Variants in SLC16A9 observed in about 807,000 individuals in gnomAD.
SLC16A9 encodes monocarboxylate transporter 9.
SLC16A9 carries 26 observed loss-of-function variants against 44.3 expected under a neutral mutation model. The ratio of observed to expected loss-of-function variants is 0.59; its 90% CI spans 0.43 to 0.81. The LOEUF is 0.81. Among genes scored for constraint, SLC16A9 ranks in the 40% least tolerant of loss-of-function variants. SLC16A9 has a pLI of 0.00. For missense variants in SLC16A9, 559 were observed against 595.8 expected, an observed-to-expected ratio of 0.94 and a Z score of 0.64; for synonymous variants, 230 against 225.1, an observed-to-expected ratio of 1.02 and a Z score of -0.19.
chr10:59,677,955 A>C (rs1839895230), intron 2 of SLC16A9, among the ~76,000 whole-genome samples: 3 of 151,910 alleles, frequency 2.0e-5, no homozygotes, highest in Non-Finnish European at 4.4e-5. Flanking sequence ...TTACATATGT[A>C]TACATGTGCC....
intron 2 of SLC16A9, among the ~76,000 whole-genome samples, chr10:59,673,297 C>A (rs769487198): frequency 6.6e-6 from 1 of 152,062 alleles, no homozygotes. Flanking sequence ...TATAATAGTA[C>A]CCACCTGACC....
chr10:59,701,725 C>A (rs1375001502), intron 1 of SLC16A9, among the ~76,000 whole-genome samples: 1 of 152,140 alleles, frequency 6.6e-6, no homozygotes, highest in African/African-American at 2.4e-5. Context: ...TCTGTGCCCC[C>A]CAACCCACAG....
At chr10:59,696,015 T>C (rs1413987071) in intron 1 of SLC16A9, among the ~76,000 whole-genome samples, 1 of 152,182 alleles carries the variant, frequency 6.6e-6, no homozygotes, top group Non-Finnish European at 1.5e-5. Flanking sequence ...AACTGAGTAA[T>C]GTTAAGATCA....
At chr10:59,705,077 C>T (rs574691588) in intron 1 of SLC16A9, among the ~76,000 whole-genome samples, 4 of 152,256 alleles carry the variant, frequency 2.6e-5, no homozygotes, top group South Asian at 4.1e-4. Context: ...TGTGCCATCA[C>T]TGTTGCTAAC....
chr10:59,694,333 T>C (rs1840321210), intron 1 of SLC16A9, among the ~76,000 whole-genome samples: 1 of 152,200 alleles, frequency 6.6e-6, no homozygotes, highest in Non-Finnish European at 1.5e-5. Context: ...TACTTTCATG[T>C]TTCTGACTAC....
intron 1 of SLC16A9, among the ~76,000 whole-genome samples, chr10:59,694,538 A>T (rs1840326620): frequency 6.6e-6 from 1 of 151,552 alleles, no homozygotes; most frequent in Non-Finnish European, 1.5e-5. Flanking sequence ...GCAGTGGCTC[A>T]TGCCTGTATT....
intron 1 of SLC16A9, among the ~76,000 whole-genome samples, chr10:59,696,752 C>T (rs1350283243): frequency 6.6e-6 from 1 of 151,724 alleles, no homozygotes; most frequent in Admixed American, 6.6e-5. Flanking sequence ...TCTGCCCGGC[C>T]GCCCCGTCTG....
chr10:59,659,324 G>A (rs1839420842), intron 4 of SLC16A9, among the ~76,000 whole-genome samples: 1 of 152,082 alleles, frequency 6.6e-6, no homozygotes, highest in African/African-American at 2.4e-5. Context: ...GACATGATCA[G>A]CATCAGTCTT....
At position 59,652,843 on chromosome 10, in the gene SLC16A9, C is replaced by T; in HGVS notation, c.1459G>A (p.Asp487Asn). The change falls in exon 6 of 6, where the codon GAT becomes AAT. Residue 487 changes from aspartate to asparagine, a missense_variant. Physicochemically the swap from Asp to Asn is conservative, Grantham distance 23. Coordinates refer to ENST00000395348, the MANE Select transcript of SLC16A9 (RefSeq NM_194298.3). The stretch of plus-strand genomic sequence containing the variant: ...TTGGGGAGTTGCTTGTTGCATGTAT[C>T]CCAAGAGGGCAAGGCTGCCAGCAGC... ...ILLLAALPSW[D>N]TCNKQLPKPA... 2 of 1,613,826 alleles carry T rather than the reference C, an allele frequency of 1.2e-6. No individual in the cohort carries two copies. The highest frequency in any genetic ancestry group is 2.2e-5 in the East Asian group (1 of 44,840).
chr10:59,667,021 T>C (rs530463780), intron 3 of SLC16A9, among the ~76,000 whole-genome samples: 8 of 152,358 alleles, frequency 5.3e-5, no homozygotes, highest in Non-Finnish European at 8.8e-5. Flanking sequence ...TTAATATTTT[T>C]AAGTTCTTGC....
rs1839230379 is a variant in SLC16A9 at position 59,652,670 on chromosome 10, A to G, written c.*102T>C. 3.7e-6 allele frequency: 4 copies of G among 1,082,862 alleles called. No individual in the cohort carries two copies. Among genetic ancestry groups the G allele is most frequent in the Non-Finnish European group, 5.2e-6 (4 of 769,832 alleles). 67.1% of individuals were successfully genotyped at this position (1,082,862 alleles called of 1,614,324 possible). ...GAGTCAGTCATTGTGAAATTTTGCT[A>G]TGAGAAAATAGTCTTGACTCTAGAA... is the stretch of plus-strand genomic sequence containing the variant. On this transcript the variant is annotated 3_prime_UTR_variant, in exon 6 of 6. Transcript: ENST00000395348.
At chr10:59,666,720 A>C (rs1447186184) in intron 3 of SLC16A9, among the ~76,000 whole-genome samples, 2 of 152,214 alleles carry the variant, frequency 1.3e-5, no homozygotes, top group African/African-American at 4.8e-5. Flanking sequence ...CCACTTTTAA[A>C]ATATAACATC....
chr10:59,688,860 T>C (rs1840191801), intron 1 of SLC16A9, among the ~76,000 whole-genome samples: 1 of 151,786 alleles, frequency 6.6e-6, no homozygotes, highest in African/African-American at 2.4e-5. Flanking sequence ...AAGCCAGTAT[T>C]CCTGGGAGGT....
chr10:59,662,471 C>T lies in SLC16A9; in HGVS notation c.436+1756G>A, dbSNP rs187617720. On this transcript the variant is annotated intron_variant, in intron 4 of 5. Transcript: ENST00000395348. The stretch of plus-strand genomic sequence containing the variant: ...CCAATGTAGGGAAACACTGTCTCTA[C>T]TAAAAATACAAAAATTAGCTGGGCG... 2.2e-3 allele frequency among the ~76,000 whole-genome samples: 329 copies of T among 151,364 alleles called. 1 individual carries two copies. Among genetic ancestry groups the T allele is most frequent in the African/African-American group, 7.6e-3 (313 of 41,328 alleles).
intron 2 of SLC16A9, among the ~76,000 whole-genome samples, chr10:59,678,856 C>T (rs894761188): frequency 3.3e-5 from 5 of 152,060 alleles, no homozygotes; most frequent in African/African-American, 1.2e-4. Flanking sequence ...AATCTTAAAA[C>T]TGCCTAGCAC....
intron 2 of SLC16A9, among the ~76,000 whole-genome samples, chr10:59,681,974 T>C (rs1448350289): frequency 6.6e-6 from 1 of 151,880 alleles, no homozygotes; most frequent in Non-Finnish European, 1.5e-5. Context: ...CCCTCATTTT[T>C]CTATGCTCAT....
chr10:59,681,210 A>G (rs1839978592), intron 2 of SLC16A9, among the ~76,000 whole-genome samples: 1 of 151,998 alleles, frequency 6.6e-6, no homozygotes, highest in Non-Finnish European at 1.5e-5. Flanking sequence ...TTCTCTGTAG[A>G]GCAAAGTTGT....
chr10:59,663,398 C>T (rs1839528497), intron 4 of SLC16A9, among the ~76,000 whole-genome samples: 1 of 151,970 alleles, frequency 6.6e-6, no homozygotes, highest in Non-Finnish European at 1.5e-5. Context: ...GAAAATGTGG[C>T]ACGTACACTC....
At chr10:59,661,617 T>G (rs1465379757) in intron 4 of SLC16A9, among the ~76,000 whole-genome samples, 2 of 152,180 alleles carry the variant, frequency 1.3e-5, no homozygotes, top group Admixed American at 1.3e-4. Context: ...AAGCTACCAT[T>G]GACTTTCTTC....
Sources: gnomAD v4.1 joint callset for allele counts (sites outside exome capture counted in the v4.1 genomes callset) on GRCh38, gnomAD v4.1.1 for gene constraint, MANE v1.5 for transcripts, NCBI Gene and HGNC (gene_info 2026-07-23, HGNC 2026-07-21) for gene names.